The following CASK variants were observed in gnomAD, a reference collection of about 807,000 sequenced individuals.
CASK encodes the protein peripheral plasma membrane protein CASK.
CASK carries 4 observed loss-of-function variants against 82.9 expected under a neutral mutation model. The ratio of observed to expected loss-of-function variants is 0.05; its 90% confidence interval spans 0.02 to 0.11. The LOEUF is 0.11. CASK is among the 10% of genes least tolerant of loss of function. The pLI, the probability that CASK is intolerant of heterozygous loss-of-function variation, is 1.00. For synonymous variants in CASK, 259 were observed against 253.5 expected (o/e 1.02, Z -0.20); for missense variants, 358 against 720.9 (o/e 0.50, Z 5.76).
At chrX:41,680,653 T>A (rs1210912086) in intron 5 of CASK, among the ~76,000 whole-genome samples, 1 of 111,101 alleles carries the variant, frequency 9.0e-6, no homozygotes, top group Non-Finnish European at 1.9e-5. Flanking sequence ...GCGTGGTGGC[T>A]CACGTCTGTA....
At chrX:41,528,934 A>G (rs2064754786) in intron 25 of CASK, among the ~76,000 whole-genome samples, 1 of 112,232 alleles carries the variant, frequency 8.9e-6, no homozygotes, top group African/African-American at 3.2e-5. Flanking sequence ...GTACTGTGGT[A>G]TGCAATGGTC....
At chrX:41,777,424 G>A (rs981773165) in intron 3 of CASK, among the ~76,000 whole-genome samples, 1 of 108,718 alleles carries the variant, frequency 9.2e-6, no homozygotes, top group Non-Finnish European at 1.9e-5. Flanking sequence ...TCCAGGGGGC[G>A]GAGGTTGCAG....
At chrX:41,827,815 C>A (rs2070698118) in intron 2 of CASK, among the ~76,000 whole-genome samples, 1 of 111,820 alleles carries the variant, frequency 8.9e-6, no homozygotes, top group African/African-American at 3.3e-5. Context: ...AAATGTATGT[C>A]TTGTCAGAGT....
intron 3 of CASK, among the ~76,000 whole-genome samples, chrX:41,777,144 C>A (rs1303527349): frequency 2.7e-5 from 3 of 111,757 alleles, no homozygotes; most frequent in African/African-American, 9.8e-5. Context: ...CACAAAGCAA[C>A]CAGATGAATC....
intron 26 of CASK, 112 bp from the exon 27 acceptor site, chrX:41,520,708 T>C: frequency 1.5e-6 from 1 of 669,565 alleles, no homozygotes; most frequent in East Asian, 3.3e-5. Flanking sequence ...CATCCCAGTG[T>C]CAGAAACAGT....
chrX:41,567,267 A>C (rs2065332603), intron 16 of CASK, among the ~76,000 whole-genome samples: 1 of 112,220 alleles, frequency 8.9e-6, no homozygotes, highest in South Asian at 3.7e-4. Context: ...GAGCTTCTGC[A>C]TGGCAAAAGA....
chrX:41,827,863 AAAGT>A (rs2070698732), intron 2 of CASK, among the ~76,000 whole-genome samples: 1 of 112,187 alleles, frequency 8.9e-6, no homozygotes, highest in African/African-American at 3.2e-5. Context: ...ATTTAGGAAA[AAAGT>A]AAGAGGAAGA....
chrX:41,619,807 TACAG>T (rs2066258986), intron 11 of CASK, among the ~76,000 whole-genome samples: 1 of 112,319 alleles, frequency 8.9e-6, no homozygotes. Context: ...GCTTCAAACA[TACAG>T]AAAGTTTGAA....
chrX:41,534,418 C>T (rs1464891121), intron 24 of CASK, among the ~76,000 whole-genome samples: 4 of 109,755 alleles, frequency 3.6e-5, no homozygotes, highest in Non-Finnish European at 7.6e-5. Flanking sequence ...CACACACACA[C>T]ACACACACAC....
chrX:41,553,291 A>G (rs780830394), intron 21 of CASK, among the ~76,000 whole-genome samples: 1 of 111,874 alleles, frequency 8.9e-6, no homozygotes, highest in African/African-American at 3.2e-5. Context: ...ATCTTCAAAT[A>G]CTCTGAGTGA....
chrX:41,656,499 C>T (rs1231694601), intron 8 of CASK, among the ~76,000 whole-genome samples: 1 of 112,073 alleles, frequency 8.9e-6, no homozygotes, highest in African/African-American at 3.2e-5. Context: ...AAAGAACACA[C>T]GGTACAGCCC....
At chrX:41,620,137 G>A (rs779344669) in intron 11 of CASK, among the ~76,000 whole-genome samples, 2 of 110,979 alleles carry the variant, frequency 1.8e-5, no homozygotes, top group Non-Finnish European at 3.8e-5. Context: ...TTTTTAAATA[G>A]TACAAACTTT....
intron 2 of CASK, among the ~76,000 whole-genome samples, chrX:41,849,759 T>C (rs1318197146): frequency 6.2e-5 from 7 of 112,465 alleles, no homozygotes; most frequent in Non-Finnish European, 1.3e-4. Context: ...AAATATCTCA[T>C]CTGTTATGAA....
chrX:41,666,838 C>T (rs1042549903), intron 6 of CASK, among the ~76,000 whole-genome samples: 2 of 110,887 alleles, frequency 1.8e-5, no homozygotes, highest in Non-Finnish European at 3.8e-5. Context: ...TCAAGTAACA[C>T]GAAGAAGCTG....
At chrX:41,782,988 T>C (rs1019584194) in intron 3 of CASK, among the ~76,000 whole-genome samples, 1 of 109,720 alleles carries the variant, frequency 9.1e-6, no homozygotes, top group African/African-American at 3.3e-5. Context: ...CTTCAAAAAA[T>C]ACAAAAATTA....
At chrX:41,594,545 T>C (rs948903429) in intron 12 of CASK, among the ~76,000 whole-genome samples, 5 of 112,150 alleles carry the variant, frequency 4.5e-5, no homozygotes, top group African/African-American at 6.5e-5. Context: ...GCTTGACATG[T>C]AGCATTTGGG....
Position 41,665,424 on chromosome X carries a change from T to C in CASK, c.561A>G (p.Ala187=). The C allele has an allele frequency of 8.3e-7, 1 of 1,207,841 alleles. No homozygotes were observed. The change falls in exon 7 of 27, where the codon GCA becomes GCG. Residue 187 remains alanine, a synonymous_variant. Coordinates refer to ENST00000378163, the MANE Select transcript of CASK (RefSeq NM_001367721.1). ...GGRVGTPHFM[A]PEVVKREPYG... ...AAGGCTCTCTTTTGACCACTTCTGG[T>C]GCCATAAAATGAGGTGTTCCAACAC...
intron 16 of CASK, among the ~76,000 whole-genome samples, chrX:41,563,040 C>CAAAAAAAAAA (rs141364032): frequency 2.7e-3 from 60 of 22,090 alleles, no homozygotes; most frequent in East Asian, 3.4e-3. Flanking sequence ...GACTCCATCT[C>CAAAAAAAAAA]AAAAAAAAAA....
At chrX:41,915,771 C>G (rs747269505) in intron 1 of CASK, among the ~76,000 whole-genome samples, 2 of 107,920 alleles carry the variant, frequency 1.9e-5, no homozygotes, top group Middle Eastern at 4.8e-3. Flanking sequence ...GGGTGGATCA[C>G]GAGGTCAGGA....
Sources: gnomAD v4.1 joint callset for allele counts (sites outside exome capture counted in the v4.1 genomes callset) on GRCh38, gnomAD v4.1.1 for gene constraint, MANE v1.5 for transcripts, NCBI Gene and HGNC (gene_info 2026-07-23, HGNC 2026-07-21) for gene names.